Variants in FBXL4 observed in about 807,000 individuals in gnomAD.
FBXL4 encodes F-box and leucine rich repeat protein 4, also known as F-box/LRR-repeat protein 4.
In FBXL4, 40 loss-of-function variants were observed where a neutral mutation model predicts 58.9. The observed-to-expected ratio is 0.68, with a 90% CI of 0.53 to 0.88. The LOEUF is 0.88. Among genes scored for constraint, FBXL4 ranks in the 40% least tolerant of loss-of-function variants. The pLI is 0.00. For synonymous variants in FBXL4, 263 were observed against 265.5 expected (o/e 0.99, Z 0.09); for missense variants, 676 against 734.4 (o/e 0.92, Z 0.92).
In FBXL4 at chr6:98,926,514, C is replaced by T; in HGVS notation, c.475G>A (p.Ala159Thr). ...GAVIRILACS[A>T]NPYSPNPPAE... Reference sequence around the variant, plus strand: ...GGTGGATTTGGGGAATAAGGATTTGCAGAACAAGCGAGAATTCTAATGACT... The same window carrying T: ...GGTGGATTTGGGGAATAAGGATTTGTAGAACAAGCGAGAATTCTAATGACT... Residue 159 changes from alanine (A) to threonine (T), a missense_variant, in exon 4 of 10, where the codon GCA becomes ACA. By Grantham distance (58) the Ala-to-Thr change is moderately conservative (BLOSUM62 0). Transcript: ENST00000369244. 6.2e-7 allele frequency: 1 copy of T among 1,612,060 alleles called. No homozygotes were observed. Among genetic ancestry groups the T allele is most frequent in the Non-Finnish European group, 8.5e-7 (1 of 1,178,634 alleles).
chr6:98,933,625 T>C (rs1057459481), intron 2 of FBXL4, among the ~76,000 whole-genome samples: 8 of 152,216 alleles, frequency 5.3e-5, no homozygotes, highest in African/African-American at 1.9e-4. Context: ...GTTCGTATTA[T>C]TTGCTATTTC....
intron 7 of FBXL4, chr6:98,898,301 T>C: frequency 1.0e-6 from 1 of 985,302 alleles, no homozygotes; most frequent in Non-Finnish European, 1.2e-6. Context: ...GGAAAAAGTA[T>C]ATGACAAACA....
intron 7 of FBXL4, among the ~76,000 whole-genome samples, chr6:98,885,129 G>T (rs1317955745): frequency 6.6e-6 from 1 of 152,128 alleles, no homozygotes. Context: ...TTTTGAGATG[G>T]AGTCTCACTC....
rs140098569 is a variant in FBXL4, at chr6:98,946,180, A to C, written c.-309+1626T>G. On this transcript the variant is annotated intron_variant, in intron 1 of 9. Transcript: ENST00000369244. ...AAGCCAGGATCACCACAGGGAGCCAAAGAATACTAGACCGTTCAGAAAGTC... is the reference window on the plus strand; with the variant it reads ...AAGCCAGGATCACCACAGGGAGCCACAGAATACTAGACCGTTCAGAAAGTC... Among the ~76,000 whole-genome samples, 109 of 152,218 alleles carry C rather than the reference A, an allele frequency of 7.2e-4. 1 individual carries two copies. The East Asian group carries it at 0.02, about 28-fold the overall frequency.
At chr6:98,887,195 G>T (rs115962885) in intron 7 of FBXL4, among the ~76,000 whole-genome samples, 1,973 of 152,320 alleles carry the variant, frequency 0.013, 33 homozygotes, top group African/African-American at 0.045. Context: ...GAGACCAGGA[G>T]GTCAAGGCTG....
At chr6:98,885,269 A>G (rs1770997008) in intron 7 of FBXL4, among the ~76,000 whole-genome samples, 1 of 152,080 alleles carries the variant, frequency 6.6e-6, no homozygotes, top group South Asian at 2.1e-4. Flanking sequence ...ACACCCAGCT[A>G]ATTTTTATAT....
At chr6:98,915,374 C>T (rs1363426129) in intron 5 of FBXL4, among the ~76,000 whole-genome samples, 1 of 152,050 alleles carries the variant, frequency 6.6e-6, no homozygotes, top group Non-Finnish European at 1.5e-5. Flanking sequence ...CAATCCTAAG[C>T]CAAAAGAACA....
At chr6:98,891,174 G>T (rs1481549894) in intron 7 of FBXL4, among the ~76,000 whole-genome samples, 1 of 152,150 alleles carries the variant, frequency 6.6e-6, no homozygotes, top group Non-Finnish European at 1.5e-5. Context: ...GATCAACATT[G>T]TGGTGGAGAG....
intron 1 of FBXL4, 88 bp downstream of exon 1, chr6:98,947,718 T>G (rs1582471860): frequency 2.0e-5 from 3 of 151,600 alleles, no homozygotes; most frequent in Non-Finnish European, 4.4e-5. Context: ...AGCGCGGAGC[T>G]GCGCGCTGGC....
chr6:98,892,407 A>G (rs1413922116), intron 7 of FBXL4, among the ~76,000 whole-genome samples: 3 of 152,154 alleles, frequency 2.0e-5, no homozygotes, highest in Non-Finnish European at 2.9e-5. Flanking sequence ...TCATTTGCCA[A>G]TCAGTTTGGT....
rs554487281 is a variant in FBXL4, at chr6:98,914,008, C to T, written c.858+3366G>A. On this transcript the variant is annotated intron_variant, in intron 5 of 9. Coordinates refer to ENST00000369244, the MANE Select transcript of FBXL4 (RefSeq NM_001278716.2). ...TATCACCACCGATCCCACAGAAATA[C>T]AAACTACCATCAGAGAATACTACAC... Among the ~76,000 whole-genome samples the T allele has an allele frequency of 2.4e-4, 36 of 152,282 alleles. No homozygotes were observed. In the Middle Eastern group the frequency reaches 0.014, roughly 58 times the overall value.
rs776901062 is a variant in FBXL4, at chr6:98,926,780, C to T, written c.209G>A (p.Ser70Asn). The T allele has an allele frequency of 5.0e-6, 8 of 1,614,112 alleles. No individual in the cohort carries two copies. Among genetic ancestry groups the T allele is most frequent in the South Asian group, 1.1e-5 (1 of 91,088 alleles). Reference protein sequence around the residue: ...DFSSHYGSENSMSYTMWNLAG... With the variant: ...DFSSHYGSENNMSYTMWNLAG... ...CAAATTCCACATAGTATAGGACATA[C>T]TATTCTCACTTCCATAATGGGAACT... The change falls in exon 4 of 10, where the codon AGT (serine) becomes AAT (asparagine). Residue 70 changes from serine to asparagine, a missense_variant. Physicochemically the swap from Ser to Asn is conservative, Grantham distance 46 (BLOSUM62 1). Coordinates refer to ENST00000369244, the MANE Select transcript of FBXL4 (RefSeq NM_001278716.2).
At chr6:98,938,613 G>A (rs1031580006) in intron 1 of FBXL4, among the ~76,000 whole-genome samples, 1 of 152,148 alleles carries the variant, frequency 6.6e-6, no homozygotes, top group East Asian at 1.9e-4. Flanking sequence ...AAGGCTGGGG[G>A]TTAGTAGCTT....
At chr6:98,900,542 C>G (rs1045802443) in intron 6 of FBXL4, among the ~76,000 whole-genome samples, 1 of 152,186 alleles carries the variant, frequency 6.6e-6, no homozygotes. Flanking sequence ...GGCATCTACT[C>G]AAGTCTTAGC....
rs745713189 is a variant in FBXL4, at chr6:98,874,356, C to A, written c.1788G>T (p.Ser596=). 3 of 1,612,846 alleles carry A rather than the reference C, an allele frequency of 1.9e-6. No homozygotes were observed. The highest frequency in any genetic ancestry group is 1.7e-4 in the Middle Eastern group (1 of 6,050). Reference sequence around the variant, plus strand: ...CTAGCACAGCTCTGTTATCAATCTGCGAACAGAAGGACACATCAAGTAAAG... The same window carrying A: ...CTAGCACAGCTCTGTTATCAATCTGAGAACAGAAGGACACATCAAGTAAAG... ...DLSLLDVSFC[S]QIDNRAVLEL... is the part of the protein sequence containing the mutation. Residue 596 remains serine (S), a synonymous_variant, in exon 10 of 10, where the codon TCG becomes TCT. Coordinates refer to ENST00000369244, the MANE Select transcript of FBXL4 (RefSeq NM_001278716.2).
chr6:98,911,940 C>T (rs917411684), intron 5 of FBXL4, among the ~76,000 whole-genome samples: 1 of 152,114 alleles, frequency 6.6e-6, no homozygotes, highest in Non-Finnish European at 1.5e-5. Flanking sequence ...AAAATTTAGA[C>T]AAATGTATAA....
intron 1 of FBXL4, among the ~76,000 whole-genome samples, chr6:98,938,407 G>A (rs1249741305): frequency 6.6e-6 from 1 of 152,124 alleles, no homozygotes; most frequent in African/African-American, 2.4e-5. Context: ...TTAAACTCGT[G>A]GAGTTCTGGG....
At chr6:98,886,324 G>A (rs534831131) in intron 7 of FBXL4, among the ~76,000 whole-genome samples, 28 of 152,146 alleles carry the variant, frequency 1.8e-4, no homozygotes, top group Non-Finnish European at 1.5e-5. Flanking sequence ...TTGAGATTGT[G>A]TGGGTGTGTA....
intron 4 of FBXL4, among the ~76,000 whole-genome samples, chr6:98,919,504 G>C (rs182603893): frequency 9.2e-5 from 14 of 152,192 alleles, no homozygotes; most frequent in African/African-American, 3.1e-4. Context: ...CCAAAGAATA[G>C]AGCAGGCTGT....
Sources: allele counts gnomAD v4.1 joint callset (sites outside exome capture counted in the v4.1 genomes callset), GRCh38; gene constraint gnomAD v4.1.1; transcripts MANE v1.5; gene names NCBI Gene and HGNC (gene_info 2026-07-23, HGNC 2026-07-21).